Variants in FKBP9 observed in about 807,000 individuals in gnomAD.
FKBP9 encodes peptidyl-prolyl cis-trans isomerase FKBP9.
Under a neutral mutation model 55.6 loss-of-function variants are expected in FKBP9, and 27 were observed. The ratio of observed to expected loss-of-function variants is 0.49; its 90% CI spans 0.36 to 0.67. The LOEUF (loss-of-function observed/expected upper bound fraction) is 0.67. Ranked by LOEUF, FKBP9 falls within the 30% of genes least tolerant of loss-of-function variation. The pLI is 0.00. For missense variants in FKBP9, 539 were observed against 742.8 expected, an observed-to-expected ratio of 0.73 and a Z score of 3.19; for synonymous variants, 267 against 296.5, an observed-to-expected ratio of 0.90 and a Z score of 1.02.
chr7:32,988,833 A>T (rs763738337), intron 6 of FKBP9, 181 bp downstream of exon 6: 3 of 597,224 alleles, frequency 5.0e-6, no homozygotes, highest in Non-Finnish European at 8.6e-6. Flanking sequence ...GCCTCAAGTG[A>T]TCCTCTTGCC....
intron 5 of FKBP9, among the ~76,000 whole-genome samples, chr7:32,983,408 G>A (rs1326166331): frequency 1.3e-5 from 2 of 151,584 alleles, no homozygotes; most frequent in South Asian, 2.1e-4. Flanking sequence ...TCCACCTGCT[G>A]GGTTCAAGTG....
At chr7:32,965,226 G>T (rs890264066) in intron 1 of FKBP9, among the ~76,000 whole-genome samples, 1 of 152,032 alleles carries the variant, frequency 6.6e-6, no homozygotes, top group Non-Finnish European at 1.5e-5. Flanking sequence ...TGCCTCCTGG[G>T]TTCAAGCAAT....
chr7:32,988,556 A>T lies in FKBP9; in HGVS notation c.943A>T (p.Ile315Phe). The change falls in exon 6 of 10, where the codon ATT becomes TTT. Residue 315 changes from isoleucine (I) to phenylalanine (F), a missense_variant. By Grantham distance (21) the Ile-to-Phe change is conservative. Transcript: ENST00000242209. ...CACGTACATTGGGCAGGGCTACGTG[A>T]TTCCTGGGATGGATGAAGGTCTACT... is the stretch of plus-strand genomic sequence containing the variant. ...FDTYIGQGYV[I>F]PGMDEGLLGV... 2 of 1,613,860 alleles carry T rather than the reference A, an allele frequency of 1.2e-6. No individual in the cohort carries two copies. Among genetic ancestry groups the T allele is most frequent in the Non-Finnish European group, 1.7e-6 (2 of 1,179,832 alleles).
At position 32,998,783 on chromosome 7, in the gene FKBP9, G is replaced by A. The variant is rs1001134408; in HGVS notation, c.1227-1332G>A. 3.3e-5 allele frequency among the ~76,000 whole-genome samples: 5 copies of A among 152,248 alleles called. No homozygotes were observed. The South Asian group carries it at 6.2e-4, about 19-fold the overall frequency. ...AGCAGGCAGGAAGCTGCAGGCCGGC[G>A]GTGGATGGGGCCAGGAAGCATGCAG... is the stretch of plus-strand genomic sequence containing the variant. On this transcript the variant is annotated intron_variant, in intron 7 of 9. Transcript: ENST00000242209.
chr7:32,973,672 G>GTTT (rs1784294895), intron 1 of FKBP9, among the ~76,000 whole-genome samples: 3 of 87,368 alleles, frequency 3.4e-5, no homozygotes, highest in African/African-American at 4.0e-5. Flanking sequence ...ATGAAATGAA[G>GTTT]TTTTTTGTTG....
At chr7:32,989,438 TAG>T (rs1344907112) in intron 6 of FKBP9, among the ~76,000 whole-genome samples, 5 of 152,042 alleles carry the variant, frequency 3.3e-5, no homozygotes, top group Non-Finnish European at 7.4e-5. Flanking sequence ...TTTTTTGAGA[TAG>T]AGTCTCATTC....
At chr7:32,978,499 A>G (rs1189219295) in intron 4 of FKBP9, among the ~76,000 whole-genome samples, 4 of 152,150 alleles carry the variant, frequency 2.6e-5, no homozygotes, top group Non-Finnish European at 5.9e-5. Flanking sequence ...TTAGGAGTAC[A>G]GACGTGTGCC....
chr7:32,965,866 T>TATATTTATACACATATATATATAC lies in FKBP9; in HGVS notation c.221+8073_221+8074insTATTTATACACATATATATATACA, dbSNP rs70989913. Among the ~76,000 whole-genome samples, 2 of 97,520 alleles carry TATATTTATACACATATATATATAC rather than the reference T, an allele frequency of 2.1e-5. 1 individual carries two copies. Among genetic ancestry groups the TATATTTATACACATATATATATAC allele is most frequent in the African/African-American group, 9.5e-5 (2 of 21,042 alleles). 64.0% of individuals were successfully genotyped at this position (97,520 alleles called of 152,430 possible). A position where few individuals can be genotyped will look rare whatever the true frequency, so the allele number is the denominator to read the frequency against. ...ATATGTGTGTACAGATATATATATA[T>TATATTTATACACATATATATATAC]ACATACATATATATATATAGAGAGA... On this transcript the variant is annotated intron_variant, in intron 1 of 9. Coordinates refer to ENST00000242209, the MANE Select transcript of FKBP9 (RefSeq NM_007270.5).
In FKBP9 at chr7:33,000,142, T is replaced by A; in HGVS notation, c.1254T>A (p.Ile418=). Residue 418 remains isoleucine, a synonymous_variant, in exon 8 of 10, where the codon ATT becomes ATA. Transcript: ENST00000242209. The part of the protein sequence containing the change: ...STWNLGKTYN[I]VLGSGQVVLG... ...GGAATTTAGGCAAAACTTACAATAT[T>A]GTTCTGGGATCTGGGCAAGTTGTGT... is the stretch of plus-strand genomic sequence containing the variant. 1 of 1,614,108 alleles carries A rather than the reference T, an allele frequency of 6.2e-7. No individual in the cohort carries two copies. Among genetic ancestry groups the A allele is most frequent in the South Asian group, 1.1e-5 (1 of 91,082 alleles).
chr7:32,976,716 C>G (rs934816955), intron 4 of FKBP9, among the ~76,000 whole-genome samples: 20 of 152,160 alleles, frequency 1.3e-4, no homozygotes, highest in African/African-American at 4.8e-4. Context: ...AATAGCCTCA[C>G]GTTGCTGAGG....
At chr7:32,968,575 C>CTTT (rs571695241) in intron 1 of FKBP9, among the ~76,000 whole-genome samples, 1 of 142,524 alleles carries the variant, frequency 7.0e-6, no homozygotes. Flanking sequence ...CTTTTTCTTT[C>CTTT]TTTTTTTTTT....
intron 4 of FKBP9, among the ~76,000 whole-genome samples, chr7:32,977,859 ATATACATGCCCATATATATATATG>A (rs1784391589): frequency 1.5e-5 from 2 of 134,178 alleles, no homozygotes; most frequent in African/African-American, 5.4e-5. Flanking sequence ...TCATATATAT[ATATACATGCCCATATATATATATG>A]TATATATACA....
At chr7:32,984,240 T>C in intron 5 of FKBP9, among the ~76,000 whole-genome samples, 1 of 152,036 alleles carries the variant, frequency 6.6e-6, no homozygotes, top group Non-Finnish European at 1.5e-5. Context: ...AGTAATATGT[T>C]CTTTTTTTTT....
chr7:33,000,280 C>G lies in FKBP9; in HGVS notation c.1372+20C>G, dbSNP rs373354190. On this transcript the variant is annotated intron_variant, in intron 8 of 9. Coordinates refer to ENST00000242209, the MANE Select transcript of FKBP9 (RefSeq NM_007270.5). The stretch of plus-strand genomic sequence containing the variant: ...GCGTGGGTGAGTAAGCAACGCTATT[C>G]AAGGGTGTTGGGGGCCCGCTTACTA... The G allele has an allele frequency of 6.4e-5, 102 of 1,598,214 alleles. No homozygotes were observed. The African/African-American group carries it at 1.3e-3, about 21-fold the overall frequency.
chr7:32,995,298 A>G (rs1455363851), intron 6 of FKBP9, among the ~76,000 whole-genome samples: 2 of 152,184 alleles, frequency 1.3e-5, no homozygotes, highest in East Asian at 3.8e-4. Flanking sequence ...GCTGATGATA[A>G]TAAAATATGT....
intron 1 of FKBP9, among the ~76,000 whole-genome samples, chr7:32,972,767 G>C (rs1784278348): frequency 6.6e-6 from 1 of 152,086 alleles, no homozygotes; most frequent in African/African-American, 2.4e-5. Flanking sequence ...ACCCAGGCTG[G>C]ATGACAGTGC....
At chr7:32,974,118 C>T (rs1328313153) in intron 1 of FKBP9, among the ~76,000 whole-genome samples, 1 of 151,686 alleles carries the variant, frequency 6.6e-6, no homozygotes, top group African/African-American at 2.4e-5. Context: ...ATCCTCCTAC[C>T]TCAGCTTCCA....
chr7:32,973,662 A>G, intron 1 of FKBP9, among the ~76,000 whole-genome samples: 1 of 147,936 alleles, frequency 6.8e-6, no homozygotes, highest in East Asian at 2.0e-4. Flanking sequence ...CATATAGAAA[A>G]TGAAATGAAG....
intron 9 of FKBP9, among the ~76,000 whole-genome samples, chr7:33,004,784 T>C (rs113102267): frequency 2.0e-5 from 3 of 152,202 alleles, no homozygotes; most frequent in African/African-American, 7.2e-5. Flanking sequence ...TCTAGAACAG[T>C]GTGCTCAGCA....
Sources: allele counts gnomAD v4.1 joint callset (sites outside exome capture counted in the v4.1 genomes callset), GRCh38; gene constraint gnomAD v4.1.1; transcripts MANE v1.5; gene names NCBI Gene and HGNC (gene_info 2026-07-23, HGNC 2026-07-21).